VPS13B: variants seen among roughly 807,000 people sequenced by gnomAD.
The protein encoded by VPS13B is intermembrane lipid transfer protein VPS13B.
In VPS13B, 285 loss-of-function variants were observed where a neutral mutation model predicts 426.4. The observed-to-expected ratio is 0.67, with a 90% CI of 0.61 to 0.74. VPS13B has a LOEUF of 0.74. VPS13B is among the 30% of genes least tolerant of loss of function. VPS13B has a pLI of 0.00. For missense variants in VPS13B, 4,537 were observed against 4,782.6 expected, an observed-to-expected ratio of 0.95 and a Z score of 1.51; for synonymous variants, 1,676 against 1,676.4, an observed-to-expected ratio of 1.00 and a Z score of 0.01.
At chr8:99,402,939 G>A (rs1038260703) in intron 21 of VPS13B, among the ~76,000 whole-genome samples, 12 of 152,216 alleles carry the variant, frequency 7.9e-5, no homozygotes, top group Non-Finnish European at 1.3e-4. Flanking sequence ...ATTGATAGGT[G>A]ATTTCTTTAC....
At chr8:99,456,438 G>C (rs888942510) in intron 23 of VPS13B, among the ~76,000 whole-genome samples, 10 of 151,968 alleles carry the variant, frequency 6.6e-5, no homozygotes, top group Admixed American at 6.6e-4. Flanking sequence ...TCAAGTGCTG[G>C]GATTACAGGT....
intron 8 of VPS13B, among the ~76,000 whole-genome samples, chr8:99,130,447 G>A (rs1469883878): frequency 6.6e-6 from 1 of 151,092 alleles, no homozygotes; most frequent in African/African-American, 2.4e-5. Flanking sequence ...GAGTGCAGTG[G>A]CGCAGTCTCG....
chr8:99,508,195 T>C (rs1278379362), intron 28 of VPS13B, among the ~76,000 whole-genome samples: 3 of 152,144 alleles, frequency 2.0e-5, no homozygotes, highest in Non-Finnish European at 4.4e-5. Flanking sequence ...TGATCAAGAG[T>C]TGACCAATAC....
intron 33 of VPS13B, among the ~76,000 whole-genome samples, chr8:99,607,164 AAGAG>A (rs1274633658): frequency 6.6e-6 from 1 of 152,214 alleles, no homozygotes; most frequent in African/African-American, 2.4e-5. Context: ...GTAAAAATGA[AAGAG>A]AAAGTATATA....
chr8:99,459,164 G>A (rs886931635), intron 23 of VPS13B, among the ~76,000 whole-genome samples: 3 of 152,130 alleles, frequency 2.0e-5, no homozygotes, highest in African/African-American at 7.2e-5. Flanking sequence ...TTGGGAGATT[G>A]TTGCGTAGGC....
Position 99,642,253 on chromosome 8 carries a change from T to C in VPS13B, c.5663T>C (p.Ile1888Thr), listed in dbSNP as rs779082817. The C allele has an allele frequency of 1.8e-5, 29 of 1,613,948 alleles. No homozygotes were observed. In the Admixed American group the frequency reaches 2.3e-4, roughly 13 times the overall value. Residue 1888 changes from isoleucine to threonine, a missense_variant, in exon 34 of 62, where the codon ATA becomes ACA. Physicochemically the swap from Ile to Thr is moderately conservative, Grantham distance 89. This residue lies in a region of VPS13B where 4,311 missense variants were observed against 4,474.3 expected (regional missense o/e 0.96). Coordinates refer to ENST00000357162, the MANE Select transcript of VPS13B (RefSeq NM_152564.5). ...ATTTCTTTTCCTTCAGGGAAAAAAA[T>C]AGGGGTCCTCTCTCTTGAAAGTCTT... The part of the protein sequence containing the change: ...SSISFPSGKK[I>T]GVLSLESLHA...
chr8:99,791,634 T>A (rs1463122780), intron 43 of VPS13B, among the ~76,000 whole-genome samples: 1 of 147,770 alleles, frequency 6.8e-6, no homozygotes, highest in Non-Finnish European at 1.5e-5. Context: ...GTAACTGAGC[T>A]AAGACAGAGT....
chr8:99,637,784 A>G (rs2133922749), intron 33 of VPS13B, among the ~76,000 whole-genome samples: 2 of 152,302 alleles, frequency 1.3e-5, no homozygotes, highest in African/African-American at 4.8e-5. Flanking sequence ...TCTGTAAATC[A>G]GAAGTAAAAA....
chr8:99,831,076 C>CTT (rs773817774), intron 51 of VPS13B, among the ~76,000 whole-genome samples: 10 of 120,082 alleles, frequency 8.3e-5, no homozygotes, highest in African/African-American at 9.6e-5. Context: ...GTGTTTTTTT[C>CTT]TTTTTTTTTT....
chr8:99,866,376 G>A (rs889007632), intron 58 of VPS13B, among the ~76,000 whole-genome samples: 1 of 152,192 alleles, frequency 6.6e-6, no homozygotes, highest in Admixed American at 6.5e-5. Context: ...AGGTAGATAA[G>A]GCACCTGGTG....
At chr8:99,631,460 G>A (rs1247469155) in intron 33 of VPS13B, among the ~76,000 whole-genome samples, 3 of 152,224 alleles carry the variant, frequency 2.0e-5, no homozygotes, top group Middle Eastern at 3.4e-3. Context: ...ACAGTCGTGA[G>A]TGTCATGCCC....
At chr8:99,828,473 AT>A (rs1263991078) in intron 51 of VPS13B, among the ~76,000 whole-genome samples, 1 of 85,378 alleles carries the variant, frequency 1.2e-5, no homozygotes, top group Non-Finnish European at 2.2e-5. Flanking sequence ...CCATCTCTTT[AT>A]TTTAAGCCTA....
intron 19 of VPS13B, among the ~76,000 whole-genome samples, chr8:99,331,704 T>G (rs1458708934): frequency 1.3e-5 from 2 of 151,674 alleles, no homozygotes; most frequent in Non-Finnish European, 3.0e-5. Flanking sequence ...TTGACTTTGG[T>G]GATGTTGGTT....
intron 5 of VPS13B, among the ~76,000 whole-genome samples, chr8:99,104,405 A>G (rs2132459140): frequency 6.6e-6 from 1 of 152,234 alleles, no homozygotes; most frequent in Non-Finnish European, 1.5e-5. Context: ...TTTAGTTTGA[A>G]TTGTTTATGT....
chr8:99,433,281 T>G (rs1817208725), intron 22 of VPS13B, among the ~76,000 whole-genome samples: 1 of 152,190 alleles, frequency 6.6e-6, no homozygotes, highest in Admixed American at 6.5e-5. Flanking sequence ...TGTCAGTGTG[T>G]CCTCAGTAGA....
intron 21 of VPS13B, among the ~76,000 whole-genome samples, chr8:99,411,889 G>T (rs536771506): frequency 6.6e-6 from 1 of 151,846 alleles, no homozygotes; most frequent in Admixed American, 6.6e-5. Context: ...TGTTATTTCT[G>T]CTCTGTTCCA....
chr8:99,100,498 C>G (rs894697644), intron 4 of VPS13B, among the ~76,000 whole-genome samples: 2 of 152,002 alleles, frequency 1.3e-5, no homozygotes, highest in Admixed American at 6.6e-5. Flanking sequence ...CCATGTTGCC[C>G]AGGCTGATCT....
chr8:99,802,183 G>A (rs1037174613), intron 43 of VPS13B, among the ~76,000 whole-genome samples: 2 of 151,058 alleles, frequency 1.3e-5, no homozygotes, highest in African/African-American at 4.9e-5. Flanking sequence ...TGTGGCCCTA[G>A]GGAAAAAAGC....
intron 35 of VPS13B, among the ~76,000 whole-genome samples, chr8:99,685,281 C>T (rs74775523): frequency 0.043 from 6,472 of 152,276 alleles, 150 homozygotes; most frequent in East Asian, 0.056. Flanking sequence ...TAACAAATTA[C>T]GACAAATGTA....
Sources: gnomAD v4.1 joint callset for allele counts (sites outside exome capture counted in the v4.1 genomes callset) on GRCh38, gnomAD v4.1.1 for gene constraint, gnomAD v4.1.1 regional missense constraint, MANE v1.5 for transcripts, NCBI Gene and HGNC (gene_info 2026-07-23, HGNC 2026-07-21) for gene names.